PCDHGA2: variants seen among roughly 807,000 people sequenced by gnomAD.
PCDHGA2 encodes protocadherin gamma-A2.
Under a neutral mutation model 59.2 loss-of-function variants are expected in PCDHGA2, and 40 were observed. The observed-to-expected ratio is 0.68, with a 90% CI of 0.52 to 0.88. The LOEUF (loss-of-function observed/expected upper bound fraction) is 0.88. PCDHGA2 is among the 40% of genes least tolerant of loss of function. The pLI is 0.00. For missense variants in PCDHGA2, 1,226 were observed against 1,204.0 expected (o/e 1.02, Z -0.27); for synonymous variants, 560 against 526.0 (o/e 1.06, Z -0.89).
chr5:141,339,449 G>A lies in PCDHGA2; in HGVS notation c.478G>A (p.Ala160Thr), dbSNP rs1334378578. Residue 160 changes from alanine to threonine, a missense_variant, in exon 1 of 4, where the codon GCA (alanine) becomes ACA (threonine). Physicochemically the swap from Ala to Thr is moderately conservative, Grantham distance 58. Transcript: ENST00000394576. Reference sequence around the variant, plus strand: ...GATTCCTCTTAAGAATGCGCATGATGCAGACGTAGGTGAGAACGCCCTTCA... The same window carrying A: ...GATTCCTCTTAAGAATGCGCATGATACAGACGTAGGTGAGAACGCCCTTCA... ...FRIPLKNAHD[A>T]DVGENALQKY... The A allele has an allele frequency of 1.9e-6, 3 of 1,614,122 alleles. No individual in the cohort carries two copies. Among genetic ancestry groups the A allele is most frequent in the Non-Finnish European group, 2.5e-6 (3 of 1,180,062 alleles).
intron 1 of PCDHGA2, chr5:141,382,843 C>T (rs1588925022): frequency 5.4e-6 from 8 of 1,471,852 alleles, no homozygotes; most frequent in East Asian, 2.3e-5. Flanking sequence ...CCCGGATACA[C>T]CCGCATTCTG....
Position 141,340,589 on chromosome 5 carries a change from C to G in PCDHGA2, c.1618C>G (p.Pro540Ala). 1 of 1,614,254 alleles carries G rather than the reference C, an allele frequency of 6.2e-7. No homozygotes were observed. Among genetic ancestry groups the G allele is most frequent in the East Asian group, 2.2e-5 (1 of 44,874 alleles). ...GGTGATAGCGCGGGACAGCGGGAACCCTCCACTCAGTAGCAATGTATCATT... is the reference window on the plus strand; with the variant it reads ...GGTGATAGCGCGGGACAGCGGGAACGCTCCACTCAGTAGCAATGTATCATT... ...VWVIARDSGN[P>A]PLSSNVSLSL... is the part of the protein sequence containing the mutation. The change falls in exon 1 of 4, where the codon CCT becomes GCT. Residue 540 changes from proline to alanine, a missense_variant. Pro to Ala is a conservative substitution (Grantham distance 27). Transcript: ENST00000394576.
intron 1 of PCDHGA2, chr5:141,423,189 T>A (rs2096719374): frequency 1.2e-6 from 2 of 1,613,562 alleles, no homozygotes; most frequent in Non-Finnish European, 8.5e-7. Flanking sequence ...GCCAGCCCCC[T>A]CTCTCGGCCA....
intron 1 of PCDHGA2, among the ~76,000 whole-genome samples, chr5:141,425,350 A>G (rs926657846): frequency 6.6e-6 from 1 of 152,194 alleles, no homozygotes; most frequent in Non-Finnish European, 1.5e-5. Context: ...TGGCTTTGAA[A>G]TGTGATATTA....
chr5:141,357,079 C>A (rs760842215), intron 1 of PCDHGA2: 2 of 1,613,938 alleles, frequency 1.2e-6, no homozygotes, highest in Non-Finnish European at 1.7e-6. Flanking sequence ...AGGCGAGGTG[C>A]GCACCGCACG....
At chr5:141,494,188 T>C (rs2099752632) in intron 1 of PCDHGA2, among the ~76,000 whole-genome samples, 1 of 152,186 alleles carries the variant, frequency 6.6e-6, no homozygotes, top group South Asian at 2.1e-4. Flanking sequence ...GTCCCGGGAC[T>C]TGGATGCCCC....
In PCDHGA2 at chr5:141,339,721, C is replaced by G. The variant is rs762403810; in HGVS notation, c.750C>G (p.Ser250Arg). Residue 250 changes from serine to arginine, a missense_variant, in exon 1 of 4, where the codon AGC (serine) becomes AGG (arginine). By Grantham distance (110) the Ser-to-Arg change is moderately radical. Coordinates refer to ENST00000394576, the MANE Select transcript of PCDHGA2 (RefSeq NM_018915.4). ...TTACACAGCCCGAGTACCGCATAAGCATTCCGGAGAATACGCTCGTGGGCA... is the reference window on the plus strand; with the variant it reads ...TTACACAGCCCGAGTACCGCATAAGGATTCCGGAGAATACGCTCGTGGGCA... ...PVFTQPEYRI[S>R]IPENTLVGTR... The G allele has an allele frequency of 1.2e-6, 2 of 1,614,044 alleles. No homozygotes were observed. Among genetic ancestry groups the G allele is most frequent in the Non-Finnish European group, 1.7e-6 (2 of 1,180,012 alleles).
chr5:141,389,530 T>C (rs963241883), intron 1 of PCDHGA2: 1 of 1,613,208 alleles, frequency 6.2e-7, no homozygotes, highest in African/African-American at 1.3e-5. Context: ...CTGCGCGTGT[T>C]AGTGGACGAC....
At chr5:141,389,988 C>T (rs1348283803) in intron 1 of PCDHGA2, 7 of 1,613,918 alleles carry the variant, frequency 4.3e-6, no homozygotes, top group Non-Finnish European at 5.9e-6. Context: ...AGTGCTCTTC[C>T]TCGTGGCCAT....
At chr5:141,419,139 G>C in intron 1 of PCDHGA2, 1 of 1,613,916 alleles carries the variant, frequency 6.2e-7, no homozygotes, top group South Asian at 1.1e-5. Flanking sequence ...GCCACAGACA[G>C]GGGCAAGCCT....
intron 1 of PCDHGA2, chr5:141,417,977 G>A (rs752463782): frequency 6.2e-7 from 1 of 1,613,872 alleles, no homozygotes; most frequent in Admixed American, 1.7e-5. Flanking sequence ...GATTCCGGAG[G>A]AGCTGGCCAA....
chr5:141,478,748 A>G (rs2099474609), intron 1 of PCDHGA2: 2 of 1,525,644 alleles, frequency 1.3e-6, no homozygotes, highest in African/African-American at 1.4e-5. Context: ...GTCCCATTTC[A>G]GGGGGAAGAT....
intron 1 of PCDHGA2, chr5:141,345,473 T>C: frequency 3.1e-6 from 5 of 1,614,028 alleles, no homozygotes; most frequent in East Asian, 2.2e-5. Context: ...AGGACCCAGA[T>C]AGCAACAACA....
intron 1 of PCDHGA2, chr5:141,415,955 G>A: frequency 8.5e-6 from 4 of 472,662 alleles, no homozygotes; most frequent in Non-Finnish European, 1.3e-5. Context: ...GTCACATATT[G>A]AAACTCCAGC....
chr5:141,422,703 G>A (rs1473348513), intron 1 of PCDHGA2: 1 of 1,603,132 alleles, frequency 6.2e-7, no homozygotes, highest in Admixed American at 1.7e-5. Context: ...CTTACTCTCT[G>A]ACGGATGACA....
chr5:141,394,012 A>C lies in PCDHGA2; in HGVS notation c.2424+52617A>C, dbSNP rs756847755. ...TTTAAATTAGAAAAGTCAATAGGTA[A>C]TTATTATAGATTAGTGACAAGGAAA... On this transcript the variant is annotated intron_variant, in intron 1 of 3. Coordinates refer to ENST00000394576, the MANE Select transcript of PCDHGA2 (RefSeq NM_018915.4). The C allele has an allele frequency of 2.6e-5, 42 of 1,613,288 alleles. No individual in the cohort carries two copies. Among genetic ancestry groups the C allele is most frequent in the Non-Finnish European group, 3.4e-5 (40 of 1,179,552 alleles).
intron 1 of PCDHGA2, among the ~76,000 whole-genome samples, chr5:141,381,312 A>G (rs1365514844): frequency 1.3e-5 from 2 of 152,240 alleles, no homozygotes; most frequent in African/African-American, 4.8e-5. Flanking sequence ...ATTCTCTTTT[A>G]TTCTGCAACT....
chr5:141,505,681 G>A (rs113733387), intron 3 of PCDHGA2, among the ~76,000 whole-genome samples, 200 bp downstream of exon 3: 92 of 152,324 alleles, frequency 6.0e-4, no homozygotes, highest in African/African-American at 2.1e-3. Flanking sequence ...GGGGTCCTGG[G>A]ATGCCTGGAG....
At chr5:141,414,692 C>T (rs2095777962) in intron 1 of PCDHGA2, 1 of 1,613,918 alleles carries the variant, frequency 6.2e-7, no homozygotes, top group African/African-American at 1.3e-5. Flanking sequence ...GTACCTCTGT[C>T]CTCATACATA....
Sources: gnomAD v4.1 joint callset for allele counts (sites outside exome capture counted in the v4.1 genomes callset) on GRCh38, gnomAD v4.1.1 for gene constraint, MANE v1.5 for transcripts, NCBI Gene and HGNC (gene_info 2026-07-23, HGNC 2026-07-21) for gene names.